TRRAP: variants seen among roughly 807,000 people sequenced by gnomAD.
TRRAP encodes the protein transformation/transcription domain associated protein, also known as transformation/transcription domain-associated protein.
In TRRAP, 41 loss-of-function variants were observed where a neutral mutation model predicts 438.8. That is an observed-to-expected ratio of 0.09 (90% CI 0.07 to 0.12). The LOEUF (loss-of-function observed/expected upper bound fraction) is 0.12, where lower values mean the gene tolerates loss of function less well. TRRAP is among the 10% of genes least tolerant of loss of function. The probability of loss-of-function intolerance (pLI) is 1.00; values close to 1 mark genes in which losing one functional copy is unlikely to be tolerated. For missense variants in TRRAP, 3,122 were observed against 5,055.1 expected (o/e 0.62, Z 11.60); for synonymous variants, 1,994 against 1,962.9 (o/e 1.02, Z -0.42).
rs759835131 is a variant in TRRAP, at chr7:99,004,463, A to T, written c.10535+48A>T. 9.7e-6 allele frequency: 15 copies of T among 1,552,482 alleles called. No homozygotes were observed. In the East Asian group the frequency reaches 3.4e-4, roughly 35 times the overall value. On this transcript the variant is annotated intron_variant, in intron 68 of 72. Coordinates refer to ENST00000456197, the MANE Select transcript of TRRAP (RefSeq NM_001375524.1). Reference sequence around the variant, plus strand: ...TGGAACTAACCCACGGCGCCCATGGACATGGAGCCCCATGGGAGCTCCAGG... The same window carrying T: ...TGGAACTAACCCACGGCGCCCATGGTCATGGAGCCCCATGGGAGCTCCAGG...
intron 4 of TRRAP, 64 bp from the exon 5 acceptor site, chr7:98,892,360 G>GA: frequency 7.5e-7 from 1 of 1,335,968 alleles, no homozygotes; most frequent in Non-Finnish European, 1.1e-6. Flanking sequence ...CAGAGTGTGA[G>GA]ATAATTAATT....
rs1367425756 is a variant in TRRAP, at chr7:98,994,679, C to T, written c.10140C>T (p.His3380=). The change falls in exon 67 of 73, where the codon CAC becomes CAT. Residue 3380 remains histidine (H), a synonymous_variant. Transcript: ENST00000456197. The surrounding 1 kb of genome is among the most constrained non-coding windows in gnomAD (Gnocchi z 4.8). ...GAVSDAKITP[H]TLNFVKKLVS... ...TGTCCGATGCTAAAATCACCCCCCA[C>T]ACTCTCAATTTTGTGAAGAAGTTGG... 1 of 1,614,112 alleles carries T rather than the reference C, an allele frequency of 6.2e-7. No homozygotes were observed. The highest frequency in any genetic ancestry group is 1.3e-5 in the African/African-American group (1 of 74,934).
chr7:98,951,025 G>T, intron 39 of TRRAP, 21 bp downstream of exon 39: 7 of 1,539,520 alleles, frequency 4.5e-6, no homozygotes, highest in Admixed American at 2.0e-5. Context: ...TATGTGTGTG[G>T]GTGTGAGAAG....
At chr7:98,912,682 T>A (rs992547034) in intron 18 of TRRAP, among the ~76,000 whole-genome samples, 3 of 152,150 alleles carry the variant, frequency 2.0e-5, no homozygotes, top group Admixed American at 1.3e-4. Flanking sequence ...GTTCTATTTT[T>A]AAAAATTTCA....
At position 98,959,330 on chromosome 7, in the gene TRRAP, G is replaced by A. The variant is rs202221016; in HGVS notation, c.6343-14G>A. On this transcript the variant is annotated splice_polypyrimidine_tract_variant and intron_variant, in intron 44 of 72. Coordinates refer to ENST00000456197, the MANE Select transcript of TRRAP (RefSeq NM_001375524.1). ...TGCAGTGAAATGCCGGCTGTAACTC[G>A]GATGAATTCCTAGGTTAATGACAAC... 8.7e-6 allele frequency: 14 copies of A among 1,612,238 alleles called. No homozygotes were observed. Among genetic ancestry groups the A allele is most frequent in the East Asian group, 6.7e-5 (3 of 44,838 alleles).
intron 4 of TRRAP, 110 bp downstream of exon 4, chr7:98,890,555 A>T (rs1475521118): frequency 6.5e-6 from 5 of 768,562 alleles, no homozygotes; most frequent in Non-Finnish European, 7.9e-6. Context: ...AGGTTTTGTC[A>T]CATAAGGATA....
chr7:98,996,806 G>A (rs962124007), intron 67 of TRRAP, among the ~76,000 whole-genome samples: 11 of 152,200 alleles, frequency 7.2e-5, no homozygotes, highest in Admixed American at 5.2e-4. Flanking sequence ...GTTATATGCC[G>A]AACAGTTTAA....
chr7:98,912,325 C>A, intron 18 of TRRAP, 112 bp downstream of exon 18: 2 of 1,149,846 alleles, frequency 1.7e-6, no homozygotes, highest in Non-Finnish European at 2.4e-6. Context: ...TCAAGCAATC[C>A]ACCTGCCTTG....
In TRRAP at chr7:98,931,632, G is replaced by A; in HGVS notation, c.3819G>A (p.Lys1273=). 6.2e-7 allele frequency: 1 copy of A among 1,614,158 alleles called. No homozygotes were observed. The highest frequency in any genetic ancestry group is 8.5e-7 in the Non-Finnish European group (1 of 1,179,970). Residue 1273 remains lysine (K), a synonymous_variant, in exon 26 of 73, where the codon AAG becomes AAA. Coordinates refer to ENST00000456197, the MANE Select transcript of TRRAP (RefSeq NM_001375524.1). ...SLQVLAQVTG[K]SVTVIMEPHK... ...AGGTGTTGGCCCAGGTCACTGGGAA[G>A]AGTGTCACGGTGATCATGGAACCCC... is the stretch of plus-strand genomic sequence containing the variant.
intron 67 of TRRAP, among the ~76,000 whole-genome samples, chr7:98,995,681 C>G (rs1793619955): frequency 6.8e-6 from 1 of 147,722 alleles, no homozygotes; most frequent in Non-Finnish European, 1.5e-5. Context: ...CCTGTTCCAT[C>G]CTTGCACCCC....
Position 98,899,514 on chromosome 7 carries a change from C to T in TRRAP, c.711+15C>T. ...TAATGTATCAGGTATGTGTATTGCT[C>T]ATTAGTCTCTTGGGTTTTGGGCTTC... On this transcript the variant is annotated intron_variant, in intron 9 of 72. Transcript: ENST00000456197. 1 of 1,613,820 alleles carries T rather than the reference C, an allele frequency of 6.2e-7. No individual in the cohort carries two copies. Among genetic ancestry groups the T allele is most frequent in the Non-Finnish European group, 8.5e-7 (1 of 1,179,762 alleles).
At chr7:98,915,456 T>G (rs1443452121) in intron 18 of TRRAP, among the ~76,000 whole-genome samples, 2 of 152,176 alleles carry the variant, frequency 1.3e-5, no homozygotes, top group Admixed American at 1.3e-4. Flanking sequence ...CCTCCCAAAG[T>G]GCTGGGATTA....
intron 16 of TRRAP, 61 bp from the exon 17 acceptor site, chr7:98,911,016 G>A: frequency 6.8e-7 from 1 of 1,464,234 alleles, no homozygotes; most frequent in Non-Finnish European, 9.3e-7. Context: ...GTTACATAAT[G>A]GAACATATTC....
At chr7:98,900,951 A>G (rs1411252936) in intron 11 of TRRAP, among the ~76,000 whole-genome samples, 4 of 152,174 alleles carry the variant, frequency 2.6e-5, no homozygotes, top group African/African-American at 4.8e-5. Context: ...TTTGGTCCCC[A>G]TAGTTTTGTC....
At chr7:98,986,923 G>A (rs994219433) in intron 62 of TRRAP, among the ~76,000 whole-genome samples, 2 of 152,080 alleles carry the variant, frequency 1.3e-5, no homozygotes, top group Admixed American at 6.6e-5. Flanking sequence ...GTGGATATAC[G>A]GTTGTCCCAG....
At position 98,971,888 on chromosome 7, in the gene TRRAP, G is replaced by A; in HGVS notation, c.7782G>A (p.Gln2594=). Reference sequence around the variant, plus strand: ...TTTCAGAAAAGGACATTGGAAACCAGCTGCACATGCTAACCAACAGGCACG... The same window carrying A: ...TTTCAGAAAAGGACATTGGAAACCAACTGCACATGCTAACCAACAGGCACG... ...KELSEKDIGN[Q]LHMLTNRHDK... The change falls in exon 53 of 73, where the codon CAG becomes CAA. Residue 2594 remains glutamine (Q), a synonymous_variant. Coordinates refer to ENST00000456197, the MANE Select transcript of TRRAP (RefSeq NM_001375524.1). 1 of 1,614,230 alleles carries A rather than the reference G, an allele frequency of 6.2e-7. No homozygotes were observed. The highest frequency in any genetic ancestry group is 8.5e-7 in the Non-Finnish European group (1 of 1,180,048).
At position 98,912,081 on chromosome 7, in the gene TRRAP, G is replaced by T; in HGVS notation, c.2067G>T (p.Leu689=). ...PTTSALFATI[L]VEYLLDRLPE... ...CCTCTGCTCTGTTTGCTACGATTCTGGTGGAATATCTCCTTGATCGCCTGC... is the reference window on the plus strand; with the variant it reads ...CCTCTGCTCTGTTTGCTACGATTCTTGTGGAATATCTCCTTGATCGCCTGC... The change falls in exon 18 of 73, where the codon CTG becomes CTT. Residue 689 remains leucine, a synonymous_variant. Transcript: ENST00000456197. 6.2e-7 allele frequency: 1 copy of T among 1,614,066 alleles called. No individual in the cohort carries two copies. The highest frequency in any genetic ancestry group is 8.5e-7 in the Non-Finnish European group (1 of 1,180,010).
chr7:98,942,895 C>A (rs1403265211), intron 30 of TRRAP, 54 bp from the exon 31 acceptor site: 1 of 1,583,304 alleles, frequency 6.3e-7, no homozygotes, highest in Non-Finnish European at 8.7e-7. Flanking sequence ...GTAGTTTCCA[C>A]CAGTGGAATG....
chr7:98,879,365 G>C (rs1418517388), intron 1 of TRRAP, among the ~76,000 whole-genome samples: 1 of 152,230 alleles, frequency 6.6e-6, no homozygotes, highest in Admixed American at 6.5e-5. Context: ...GACTAGGGAG[G>C]TTCTTAGGCA....
Sources: allele counts gnomAD v4.1 joint callset (sites outside exome capture counted in the v4.1 genomes callset), GRCh38; gene constraint gnomAD v4.1.1; non-coding constraint Gnocchi (gnomAD v3.1); transcripts MANE v1.5; gene names NCBI Gene and HGNC (gene_info 2026-07-23, HGNC 2026-07-21).